Variants in WDR70 observed in about 807,000 individuals in gnomAD.
The protein encoded by WDR70 is WD repeat domain 70, also known as WD repeat-containing protein 70.
A neutral mutation model predicts 88.6 loss-of-function variants in WDR70; 53 were observed. The observed-to-expected ratio is 0.60, with a 90% CI of 0.48 to 0.75. WDR70 has a LOEUF of 0.75. Ranked by LOEUF, WDR70 falls within the 30% of genes least tolerant of loss-of-function variation. The pLI is 0.00. For synonymous variants in WDR70, 280 were observed against 270.0 expected, an observed-to-expected ratio of 1.04 and a Z score of -0.36; for missense variants, 610 against 823.2, an observed-to-expected ratio of 0.74 and a Z score of 3.17.
At chr5:37,499,603 C>T (rs955597539) in intron 8 of WDR70, among the ~76,000 whole-genome samples, 3 of 142,128 alleles carry the variant, frequency 2.1e-5, no homozygotes, top group African/African-American at 8.2e-5. Context: ...CTCTCTCTCT[C>T]TCTCTCTCTC....
intron 13 of WDR70, among the ~76,000 whole-genome samples, chr5:37,720,394 A>G (rs1425748571): frequency 6.6e-6 from 1 of 152,056 alleles, no homozygotes; most frequent in Non-Finnish European, 1.5e-5. Flanking sequence ...CTTACCACAG[A>G]CAAAAATTAA....
At chr5:37,751,631 A>G (rs1206538395) in intron 17 of WDR70, among the ~76,000 whole-genome samples, 2 of 152,248 alleles carry the variant, frequency 1.3e-5, no homozygotes, top group African/African-American at 2.4e-5. Flanking sequence ...TAATGATTCT[A>G]AATGAAAATA....
At chr5:37,689,426 T>A (rs1049282241) in intron 10 of WDR70, among the ~76,000 whole-genome samples, 4 of 152,188 alleles carry the variant, frequency 2.6e-5, no homozygotes, top group Admixed American at 2.0e-4. Flanking sequence ...GGGAGACACC[T>A]CCCAGTAGGG....
At chr5:37,563,628 G>A (rs1228269912) in intron 9 of WDR70, among the ~76,000 whole-genome samples, 41 of 2,108 alleles carry the variant, frequency 0.019, 14 homozygotes, top group Admixed American at 0.17. Context: ...ACCTCCCCCC[G>A]GATGGGGCGG....
chr5:37,511,837 A>G (rs776639792), intron 8 of WDR70, among the ~76,000 whole-genome samples: 1 of 152,160 alleles, frequency 6.6e-6, no homozygotes, highest in Non-Finnish European at 1.5e-5. Flanking sequence ...GTTCTTCATT[A>G]TATTGAAGGC....
intron 7 of WDR70, among the ~76,000 whole-genome samples, chr5:37,460,832 G>A (rs1156776684): frequency 1.3e-5 from 2 of 151,728 alleles, no homozygotes; most frequent in African/African-American, 2.4e-5. Context: ...ATTGTGTTAT[G>A]TGCATAAAGG....
intron 9 of WDR70, among the ~76,000 whole-genome samples, chr5:37,546,632 A>G (rs1283140002): frequency 6.6e-6 from 1 of 152,148 alleles, no homozygotes; most frequent in Non-Finnish European, 1.5e-5. Flanking sequence ...TTATTTATGA[A>G]TTTAGACCAG....
intron 17 of WDR70, among the ~76,000 whole-genome samples, chr5:37,747,628 G>A (rs539901017): frequency 3.9e-5 from 6 of 152,206 alleles, no homozygotes; most frequent in South Asian, 2.1e-4. Flanking sequence ...CCTATTCAAC[G>A]TAGTATTGGA....
intron 17 of WDR70, among the ~76,000 whole-genome samples, chr5:37,738,226 T>A (rs1748361041): frequency 1.3e-5 from 2 of 152,206 alleles, no homozygotes; most frequent in Admixed American, 1.3e-4. Context: ...TTGAAAGTCA[T>A]GGCTATAATT....
chr5:37,487,619 A>ATTT (rs1739918883), intron 8 of WDR70, among the ~76,000 whole-genome samples: 1 of 93,546 alleles, frequency 1.1e-5, no homozygotes, highest in African/African-American at 4.3e-5. Flanking sequence ...ATATATATAT[A>ATTT]TATATGTATT....
intron 7 of WDR70, among the ~76,000 whole-genome samples, chr5:37,463,860 T>A (rs1237449480): frequency 6.6e-6 from 1 of 152,226 alleles, no homozygotes; most frequent in Non-Finnish European, 1.5e-5. Context: ...GAGACAGGAA[T>A]GATGAGCTTG....
chr5:37,438,088 T>C, intron 6 of WDR70, 107 bp downstream of exon 6: 1 of 918,216 alleles, frequency 1.1e-6, no homozygotes, highest in Non-Finnish European at 1.6e-6. Context: ...AATCAACTGA[T>C]GACATAAAAG....
intron 16 of WDR70, 119 bp from the exon 17 acceptor site, chr5:37,726,764 A>C: frequency 1.9e-6 from 2 of 1,044,460 alleles, no homozygotes; most frequent in Non-Finnish European, 2.6e-6. Context: ...TCTAAGCTGA[A>C]AGGATGAAAT....
chr5:37,519,399 G>A (rs1271425577), intron 9 of WDR70, among the ~76,000 whole-genome samples: 1 of 149,764 alleles, frequency 6.7e-6, no homozygotes, highest in African/African-American at 2.5e-5. Flanking sequence ...GCCGGGCGGA[G>A]GCGCTCCTCA....
At chr5:37,446,436 C>A (rs951484148) in intron 7 of WDR70, among the ~76,000 whole-genome samples, 42 of 152,086 alleles carry the variant, frequency 2.8e-4, no homozygotes, top group Admixed American at 2.3e-3. Context: ...TTGGAAAAAA[C>A]TACTTTAAAG....
chr5:37,741,779 A>C (rs940643945), intron 17 of WDR70, among the ~76,000 whole-genome samples: 3 of 152,102 alleles, frequency 2.0e-5, no homozygotes, highest in African/African-American at 4.8e-5. Context: ...CCCTCCACCC[A>C]GTTTCTTGTA....
chr5:37,451,832 A>G (rs1358122396), intron 7 of WDR70, among the ~76,000 whole-genome samples: 2 of 152,108 alleles, frequency 1.3e-5, no homozygotes, highest in East Asian at 3.9e-4. Context: ...CATCTCTACT[A>G]AAAATACAGA....
chr5:37,641,715 C>A (rs929374460), intron 10 of WDR70, among the ~76,000 whole-genome samples: 2 of 152,144 alleles, frequency 1.3e-5, no homozygotes, highest in Non-Finnish European at 2.9e-5. Flanking sequence ...CCGCACCTGG[C>A]CTCACATGCT....
intron 5 of WDR70, among the ~76,000 whole-genome samples, chr5:37,426,756 T>C (rs1581269405): frequency 6.6e-6 from 1 of 151,666 alleles, no homozygotes; most frequent in East Asian, 1.9e-4. Context: ...AATTAACATA[T>C]CCACCTAAAA....
Sources: gnomAD v4.1 joint callset for allele counts (sites outside exome capture counted in the v4.1 genomes callset) on GRCh38, gnomAD v4.1.1 for gene constraint, MANE v1.5 for transcripts, NCBI Gene and HGNC (gene_info 2026-07-23, HGNC 2026-07-21) for gene names.